KIAA0825: variants seen among roughly 807,000 people sequenced by gnomAD.
KIAA0825 encodes the protein uncharacterized protein KIAA0825.
KIAA0825 carries 119 observed loss-of-function variants against 147.6 expected under a neutral mutation model. The observed-to-expected ratio is 0.81, with a 90% CI of 0.69 to 0.94. The LOEUF (loss-of-function observed/expected upper bound fraction) is 0.94. Among genes scored for constraint, KIAA0825 ranks in the 40% least tolerant of loss-of-function variants. KIAA0825 has a pLI of 0.00. For missense variants in KIAA0825, 1,381 were observed against 1,472.7 expected (o/e 0.94, Z 1.02); for synonymous variants, 470 against 518.1 (o/e 0.91, Z 1.26).
At chr5:94,357,432 C>T (rs957655431) in intron 20 of KIAA0825, among the ~76,000 whole-genome samples, 8 of 152,124 alleles carry the variant, frequency 5.3e-5, no homozygotes, top group Non-Finnish European at 1.0e-4. Context: ...AAATCTGGTT[C>T]TTTTTCAAGA....
At chr5:94,450,783 G>C (rs539363690) in intron 13 of KIAA0825, among the ~76,000 whole-genome samples, 2 of 152,150 alleles carry the variant, frequency 1.3e-5, no homozygotes, top group Non-Finnish European at 2.9e-5. Context: ...TCCCTACAAA[G>C]TTAAATCACA....
At chr5:94,594,017 C>T (rs1489496527) in intron 1 of KIAA0825, 2 of 516,306 alleles carry the variant, frequency 3.9e-6, no homozygotes, top group Admixed American at 4.3e-5. Context: ...TATGATCCAC[C>T]TCAAAGGGAT....
chr5:94,300,085 A>T (rs1778320609), intron 20 of KIAA0825, among the ~76,000 whole-genome samples: 1 of 152,088 alleles, frequency 6.6e-6, no homozygotes, highest in African/African-American at 2.4e-5. Flanking sequence ...GATATAGTAC[A>T]CATAATATCT....
At chr5:94,374,028 TG>T (rs1348996127) in intron 20 of KIAA0825, among the ~76,000 whole-genome samples, 1 of 151,876 alleles carries the variant, frequency 6.6e-6, no homozygotes, top group African/African-American at 2.4e-5. Context: ...TAAAACTTTT[TG>T]CAAAAAAAAT....
rs142708158 is a variant in KIAA0825 at position 94,421,199 on chromosome 5, T to C, written c.2498-3834A>G. On this transcript the variant is annotated intron_variant, in intron 14 of 20. Coordinates refer to ENST00000682413, the MANE Select transcript of KIAA0825 (RefSeq NM_001145678.3). ...TCTTCTCTTGGAGCACAAAAGCAAC[T>C]ATAAACAATATAATATGTAAATGAA... Among the ~76,000 whole-genome samples, 501 of 152,340 alleles carry C rather than the reference T, an allele frequency of 3.3e-3. 2 individuals are homozygous for C. Among genetic ancestry groups the C allele is most frequent in the Non-Finnish European group, 5.1e-3 (349 of 68,032 alleles).
intron 20 of KIAA0825, among the ~76,000 whole-genome samples, chr5:94,332,392 T>C (rs901055259): frequency 6.6e-6 from 1 of 152,008 alleles, no homozygotes; most frequent in African/African-American, 2.4e-5. Flanking sequence ...CCACCCCCGA[T>C]AGGCCCTGGT....
chr5:94,177,048 T>C (rs1769169214), intron 20 of KIAA0825, among the ~76,000 whole-genome samples: 1 of 152,092 alleles, frequency 6.6e-6, no homozygotes, highest in Non-Finnish European at 1.5e-5. Flanking sequence ...ACACCACAGA[T>C]AATAAAACAT....
At chr5:94,557,635 A>G (rs540257408) in intron 2 of KIAA0825, among the ~76,000 whole-genome samples, 1 of 152,244 alleles carries the variant, frequency 6.6e-6, no homozygotes, top group African/African-American at 2.4e-5. Flanking sequence ...CACGTGACCA[A>G]TCAGGTAGTA....
At chr5:94,195,343 A>G (rs1032142097) in intron 20 of KIAA0825, among the ~76,000 whole-genome samples, 4 of 152,230 alleles carry the variant, frequency 2.6e-5, no homozygotes, top group Admixed American at 2.6e-4. Context: ...CATACCATCA[A>G]TACAGAACAC....
At chr5:94,569,970 C>T (rs1159325506) in intron 2 of KIAA0825, 2 of 153,578 alleles carry the variant, frequency 1.3e-5, no homozygotes, top group Non-Finnish European at 2.9e-5. Context: ...TGAGGAGCCA[C>T]GGTAATTACG....
chr5:94,566,426 T>C (rs1161448169), intron 2 of KIAA0825, among the ~76,000 whole-genome samples: 1 of 152,150 alleles, frequency 6.6e-6, no homozygotes, highest in African/African-American at 2.4e-5. Context: ...TTTTATATAA[T>C]TGCTGACCTA....
intron 20 of KIAA0825, among the ~76,000 whole-genome samples, chr5:94,306,314 A>T (rs951554989): frequency 1.3e-5 from 2 of 151,856 alleles, no homozygotes; most frequent in South Asian, 4.1e-4. Flanking sequence ...AGTAAGTACA[A>T]CATTATAAGT....
intron 20 of KIAA0825, among the ~76,000 whole-genome samples, chr5:94,230,564 C>T (rs576883240): frequency 9.9e-5 from 15 of 152,262 alleles, no homozygotes; most frequent in African/African-American, 3.1e-4. Context: ...GTTGTCTTCT[C>T]TGCCATTCAT....
chr5:94,550,747 C>A (rs1328196009), intron 2 of KIAA0825, among the ~76,000 whole-genome samples: 1 of 151,404 alleles, frequency 6.6e-6, no homozygotes, highest in Non-Finnish European at 1.5e-5. Flanking sequence ...GAGGCTGAGG[C>A]AGGAGAATGG....
In KIAA0825 at chr5:94,182,046, C is replaced by T. The variant is rs560202319; in HGVS notation, c.3711-27922G>A. ...TGTTTAAACTCCTTATCAACATATACAAACCTCTTTCTGACTTGGTTCCTG... is the reference window on the plus strand; with the variant it reads ...TGTTTAAACTCCTTATCAACATATATAAACCTCTTTCTGACTTGGTTCCTG... On this transcript the variant is annotated intron_variant, in intron 20 of 20. Coordinates refer to ENST00000682413, the MANE Select transcript of KIAA0825 (RefSeq NM_001145678.3). Among the ~76,000 whole-genome samples the T allele has an allele frequency of 1.2e-4, 19 of 152,004 alleles. No homozygotes were observed. The South Asian group carries it at 3.9e-3, about 32-fold the overall frequency.
intron 20 of KIAA0825, among the ~76,000 whole-genome samples, chr5:94,347,356 T>C (rs1349710583): frequency 1.3e-5 from 2 of 152,132 alleles, no homozygotes; most frequent in African/African-American, 4.8e-5. Context: ...AGTACAAAAA[T>C]AGAACATTAA....
chr5:94,398,844 T>C (rs1751010109), intron 16 of KIAA0825, among the ~76,000 whole-genome samples: 1 of 152,154 alleles, frequency 6.6e-6, no homozygotes, highest in African/African-American at 2.4e-5. Context: ...CTGTTTTTGC[T>C]GAACAAAAAT....
intron 17 of KIAA0825, among the ~76,000 whole-genome samples, chr5:94,394,785 T>C (rs1371141438): frequency 2.6e-5 from 4 of 152,298 alleles, no homozygotes; most frequent in South Asian, 2.1e-4. Context: ...TAAATTAGTG[T>C]TGAATGCAAA....
At chr5:94,539,563 A>G (rs1264964928) in intron 2 of KIAA0825, among the ~76,000 whole-genome samples, 1 of 152,066 alleles carries the variant, frequency 6.6e-6, no homozygotes, top group Non-Finnish European at 1.5e-5. Context: ...AAGGGATGAT[A>G]CTGAAGAAAC....
Sources: allele counts gnomAD v4.1 joint callset (sites outside exome capture counted in the v4.1 genomes callset), GRCh38; gene constraint gnomAD v4.1.1; transcripts MANE v1.5; gene names NCBI Gene and HGNC (gene_info 2026-07-23, HGNC 2026-07-21).